The following CREB3L1 variants were observed in gnomAD, a reference collection of about 807,000 sequenced individuals.
The protein encoded by CREB3L1 is cyclic AMP-responsive element-binding protein 3-like protein 1.
A neutral mutation model predicts 54.5 loss-of-function variants in CREB3L1; 33 were observed. That is an observed-to-expected ratio of 0.61 (90% CI 0.46 to 0.81). The LOEUF (loss-of-function observed/expected upper bound fraction) is 0.81, where lower values mean the gene tolerates loss of function less well. Among genes scored for constraint, CREB3L1 ranks in the 30% least tolerant of loss-of-function variants. The pLI is 0.00. For missense variants in CREB3L1, 656 were observed against 673.3 expected (o/e 0.97, Z 0.29); for synonymous variants, 284 against 286.4 (o/e 0.99, Z 0.08).
At chr11:46,313,003 G>A (rs1280709516) in intron 8 of CREB3L1, 84 bp downstream of exon 8, 1 of 1,017,942 alleles carries the variant, frequency 9.8e-7, no homozygotes, top group African/African-American at 1.6e-5. Flanking sequence ...GGAGACAGGG[G>A]AGAGGAGAGA....
At chr11:46,314,655 G>A (rs533117376) in intron 8 of CREB3L1, among the ~76,000 whole-genome samples, 1 of 151,650 alleles carries the variant, frequency 6.6e-6, no homozygotes, top group South Asian at 2.1e-4. Context: ...GATTATAGGT[G>A]TGATCCACTG....
At chr11:46,305,279 C>A (rs1939363382) in intron 2 of CREB3L1, among the ~76,000 whole-genome samples, 3 of 152,130 alleles carry the variant, frequency 2.0e-5, no homozygotes, top group African/African-American at 7.2e-5. Context: ...CCAGGAGGCC[C>A]ACTAGGTGGG....
chr11:46,312,240 C>T (rs1399907526), intron 5 of CREB3L1, 85 bp from the exon 6 acceptor site: 2 of 1,196,954 alleles, frequency 1.7e-6, no homozygotes, highest in Admixed American at 2.6e-5. Context: ...GTGCCTTGCC[C>T]AGGTCATATA....
chr11:46,279,788 T>G (rs529444012), intron 1 of CREB3L1, among the ~76,000 whole-genome samples: 1 of 152,336 alleles, frequency 6.6e-6, no homozygotes, highest in African/African-American at 2.4e-5. Flanking sequence ...AGCAGGGCAG[T>G]AGAGCCCTGC....
At chr11:46,308,810 C>T (rs140876234) in intron 3 of CREB3L1, among the ~76,000 whole-genome samples, 44 of 152,314 alleles carry the variant, frequency 2.9e-4, no homozygotes, top group African/African-American at 9.1e-4. Context: ...ACCACAGACC[C>T]GTGGGATCAA....
chr11:46,315,023 AAATTCCTGAT>A (rs1481159094), intron 8 of CREB3L1: 1 of 177,186 alleles, frequency 5.6e-6, no homozygotes, highest in Non-Finnish European at 1.2e-5. Context: ...TTTTCATTCC[AAATTCCTGAT>A]AGTGCCCAGC....
At chr11:46,293,005 A>G (rs1484230918) in intron 1 of CREB3L1, among the ~76,000 whole-genome samples, 2 of 152,144 alleles carry the variant, frequency 1.3e-5, no homozygotes, top group East Asian at 1.9e-4. Flanking sequence ...TCATTGTCAC[A>G]CCATTGGTCA....
rs1279691175 is a variant in CREB3L1, at chr11:46,278,521, C to G, written c.102+308C>G. ...CCCACGTCTTCTAGCCGTCCCCAAC[C>G]CACCCCAGGTTCCAGGACCAGACTG... is the stretch of plus-strand genomic sequence containing the variant. On this transcript the variant is annotated intron_variant, in intron 1 of 11. Coordinates refer to ENST00000621158, the MANE Select transcript of CREB3L1 (RefSeq NM_052854.4). The surrounding 1 kb of genome is among the most constrained non-coding windows in gnomAD (Gnocchi z 4.2). 6.6e-6 allele frequency among the ~76,000 whole-genome samples: 1 copy of G among 152,258 alleles called. No homozygotes were observed. Among genetic ancestry groups the G allele is most frequent in the African/African-American group, 2.4e-5 (1 of 41,476 alleles).
intron 10 of CREB3L1, 25 bp downstream of exon 10, chr11:46,317,512 C>G (rs760580154): frequency 1.2e-6 from 2 of 1,604,090 alleles, no homozygotes; most frequent in Non-Finnish European, 1.7e-6. Flanking sequence ...GTCATGCCAG[C>G]TCCCTGGGCT....
intron 2 of CREB3L1, among the ~76,000 whole-genome samples, chr11:46,303,196 C>T (rs555548855): frequency 1.3e-5 from 2 of 152,304 alleles, no homozygotes; most frequent in African/African-American, 4.8e-5. Flanking sequence ...CCACCAGCCA[C>T]TGGGTGATCT....
At chr11:46,288,383 T>G (rs1939086319) in intron 1 of CREB3L1, among the ~76,000 whole-genome samples, 1 of 152,148 alleles carries the variant, frequency 6.6e-6, no homozygotes, top group Non-Finnish European at 1.5e-5. Context: ...CACACGGCCC[T>G]CTTAGTTATT....
At chr11:46,288,919 G>C (rs1458972971) in intron 1 of CREB3L1, among the ~76,000 whole-genome samples, 2 of 152,186 alleles carry the variant, frequency 1.3e-5, no homozygotes, top group Non-Finnish European at 2.9e-5. Flanking sequence ...CATAAAGTGA[G>C]GGTACTAAGA....
At chr11:46,285,755 A>C (rs1160564687) in intron 1 of CREB3L1, among the ~76,000 whole-genome samples, 1 of 152,142 alleles carries the variant, frequency 6.6e-6, no homozygotes, top group Non-Finnish European at 1.5e-5. Flanking sequence ...AGAGAGTTTG[A>C]CACATCTGGG....
intron 1 of CREB3L1, among the ~76,000 whole-genome samples, chr11:46,288,324 C>T (rs1356906454): frequency 1.3e-5 from 2 of 152,114 alleles, no homozygotes; most frequent in Non-Finnish European, 1.5e-5. Flanking sequence ...TCAAGTGATC[C>T]GCCCGCCTCA....
chr11:46,288,456 A>G (rs1353926413), intron 1 of CREB3L1, among the ~76,000 whole-genome samples: 1 of 152,164 alleles, frequency 6.6e-6, no homozygotes, highest in Non-Finnish European at 1.5e-5. Flanking sequence ...TGTTGCTGTC[A>G]TTGCTTAAAA....
chr11:46,310,880 G>A (rs1307792573), intron 4 of CREB3L1, 152 bp from the exon 5 acceptor site: 6 of 1,188,906 alleles, frequency 5.0e-6, no homozygotes, highest in East Asian at 2.8e-5. Context: ...ACCCTGCAGA[G>A]GGGCTTCTGA....
intron 1 of CREB3L1, among the ~76,000 whole-genome samples, chr11:46,293,243 C>A (rs184529673): frequency 1.9e-3 from 292 of 152,366 alleles, no homozygotes; most frequent in South Asian, 2.5e-3. Flanking sequence ...AGACCAGCAT[C>A]TCCAGCAGCC....
intron 10 of CREB3L1, among the ~76,000 whole-genome samples, chr11:46,318,074 G>T (rs961997752): frequency 6.6e-6 from 1 of 152,182 alleles, no homozygotes; most frequent in African/African-American, 2.4e-5. Context: ...AAACTTATCT[G>T]GGCATGGTGG....
intron 11 of CREB3L1, 88 bp downstream of exon 11, chr11:46,320,616 C>T (rs1427414987): frequency 6.5e-7 from 1 of 1,548,944 alleles, no homozygotes; most frequent in Non-Finnish European, 8.7e-7. Context: ...CCACACCCTC[C>T]CAAGGCCCCA....
Sources: gnomAD v4.1 joint callset for allele counts (sites outside exome capture counted in the v4.1 genomes callset) on GRCh38, gnomAD v4.1.1 for gene constraint, Gnocchi (gnomAD v3.1) non-coding constraint, MANE v1.5 for transcripts, NCBI Gene and HGNC (gene_info 2026-07-23, HGNC 2026-07-21) for gene names.